The following ASTN2 variants were observed in gnomAD, a reference collection of about 807,000 sequenced individuals.
ASTN2 encodes the protein astrotactin 2.
A neutral mutation model predicts 139.8 loss-of-function variants in ASTN2; 54 were observed. The observed-to-expected ratio is 0.39, with a 90% CI of 0.31 to 0.48. The LOEUF is 0.48. Ranked by LOEUF, ASTN2 falls within the 20% of genes least tolerant of loss-of-function variation. The pLI is 0.95. For missense variants in ASTN2, 1,565 were observed against 1,725.1 expected, an observed-to-expected ratio of 0.91 and a Z score of 1.64; for synonymous variants, 756 against 719.5, an observed-to-expected ratio of 1.05 and a Z score of -0.81.
In ASTN2 at chr9:116,640,774, GT is replaced by G. The variant is rs956996827; in HGVS notation, c.3072+10753del. ...TTAATCACGAAAGTGATGTGAGCAA[GT>G]TTTAGTTTTGAAAATATCACTCTGG... On this transcript the variant is annotated intron_variant, in intron 17 of 22. Coordinates refer to ENST00000313400, the MANE Select transcript of ASTN2 (RefSeq NM_001365068.1). Among the ~76,000 whole-genome samples, 4 of 152,218 alleles carry G rather than the reference GT, an allele frequency of 2.6e-5. No individual in the cohort carries two copies. In the East Asian group the frequency reaches 7.7e-4, roughly 29 times the overall value.
chr9:116,549,077 T>C (rs576584352), intron 19 of ASTN2, among the ~76,000 whole-genome samples: 1 of 151,562 alleles, frequency 6.6e-6, no homozygotes, highest in South Asian at 2.1e-4. Context: ...GATGGGAAAA[T>C]TGGGGCCCCA....
In ASTN2 at chr9:116,840,410, T is replaced by G. The variant is rs571736717; in HGVS notation, c.2041-19627A>C. Among the ~76,000 whole-genome samples, 8 of 147,060 alleles carry G rather than the reference T, an allele frequency of 5.4e-5. No individual in the cohort carries two copies. In the East Asian group the frequency reaches 1.7e-3, roughly 30 times the overall value. ...TGTTGGGTACACCTCCCAGACGGGGTGGTGGCCAGGCAGAGGGGCTCCTCA... is the reference window on the plus strand; with the variant it reads ...TGTTGGGTACACCTCCCAGACGGGGGGGTGGCCAGGCAGAGGGGCTCCTCA... On this transcript the variant is annotated intron_variant, in intron 11 of 22. Transcript: ENST00000313400.
At chr9:116,670,383 C>G (rs761436613) in intron 16 of ASTN2, among the ~76,000 whole-genome samples, 16 of 152,070 alleles carry the variant, frequency 1.1e-4, no homozygotes, top group Admixed American at 3.3e-4. Context: ...TCAAGTATGA[C>G]TGAGTGGCTG....
chr9:116,505,246 GCTA>G (rs1478231865), intron 19 of ASTN2, among the ~76,000 whole-genome samples: 5 of 151,704 alleles, frequency 3.3e-5, no homozygotes, highest in Non-Finnish European at 2.9e-5. Flanking sequence ...TCGCTTTGAG[GCTA>G]CTGATGAATG....
intron 19 of ASTN2, among the ~76,000 whole-genome samples, chr9:116,554,145 T>C (rs1422496933): frequency 6.6e-6 from 1 of 152,210 alleles, no homozygotes; most frequent in African/African-American, 2.4e-5. Flanking sequence ...TTATGTATGA[T>C]GGAAAAATAT....
chr9:117,374,403 G>A (rs906075443), intron 1 of ASTN2, among the ~76,000 whole-genome samples: 2 of 134,680 alleles, frequency 1.5e-5, no homozygotes, highest in Non-Finnish European at 3.1e-5. Context: ...AGCACAGATC[G>A]CAGCCCGCAA....
chr9:116,764,612 C>T (rs73519442), intron 13 of ASTN2, among the ~76,000 whole-genome samples: 2 of 152,170 alleles, frequency 1.3e-5, no homozygotes, highest in Admixed American at 6.5e-5. Flanking sequence ...CTCCATTTAA[C>T]CTCTTTCTGT....
At chr9:116,600,676 G>C (rs1854847830) in intron 19 of ASTN2, among the ~76,000 whole-genome samples, 1 of 152,022 alleles carries the variant, frequency 6.6e-6, no homozygotes. Flanking sequence ...GAGCAGCCAG[G>C]GTGATAAAAC....
intron 19 of ASTN2, among the ~76,000 whole-genome samples, chr9:116,608,439 C>T (rs1855327584): frequency 6.6e-6 from 1 of 152,154 alleles, no homozygotes; most frequent in Non-Finnish European, 1.5e-5. Context: ...AGGGTCCTCC[C>T]TTAGTAGTAG....
intron 4 of ASTN2, among the ~76,000 whole-genome samples, chr9:117,111,878 ATTAT>A: frequency 6.6e-6 from 1 of 152,212 alleles, no homozygotes; most frequent in Non-Finnish European, 1.5e-5. Context: ...AGATGACATA[ATTAT>A]TTATAAAAGT....
chr9:116,889,045 C>A (rs528940038), intron 10 of ASTN2, among the ~76,000 whole-genome samples: 1 of 152,070 alleles, frequency 6.6e-6, no homozygotes, highest in East Asian at 1.9e-4. Context: ...TTTAAAACAC[C>A]CTTAATTTTT....
chr9:116,480,314 G>A (rs1849126635), intron 20 of ASTN2, among the ~76,000 whole-genome samples: 1 of 152,200 alleles, frequency 6.6e-6, no homozygotes, highest in Non-Finnish European at 1.5e-5. Flanking sequence ...CTGGACCACA[G>A]CCTGGCACAT....
chr9:116,647,427 CT>C (rs1307615292), intron 17 of ASTN2, among the ~76,000 whole-genome samples: 1 of 152,162 alleles, frequency 6.6e-6, no homozygotes, highest in Non-Finnish European at 1.5e-5. Context: ...CTTTCACACT[CT>C]TGGGATTCTC....
chr9:117,281,098 A>T (rs1430777579), intron 2 of ASTN2, among the ~76,000 whole-genome samples: 1 of 152,170 alleles, frequency 6.6e-6, no homozygotes, highest in Non-Finnish European at 1.5e-5. Context: ...AACATAGCTC[A>T]AAGGATGTTT....
chr9:116,718,194 T>C lies in ASTN2; in HGVS notation c.2806+7577A>G, dbSNP rs1828366754. ...AGAAAGTGACATTTGAGTTGGGTGA[T>C]ATGAAGTGATCTCAGCAAAAATGGG... On this transcript the variant is annotated intron_variant, in intron 16 of 22. Transcript: ENST00000313400. 5.9e-5 allele frequency among the ~76,000 whole-genome samples: 9 copies of C among 152,214 alleles called. No individual in the cohort carries two copies. In the South Asian group the frequency reaches 1.9e-3, roughly 32 times the overall value.
In ASTN2 at chr9:116,667,420, G is replaced by C. The variant is rs553508728; in HGVS notation, c.2807-15627C>G. On this transcript the variant is annotated intron_variant, in intron 16 of 22. Coordinates refer to ENST00000313400, the MANE Select transcript of ASTN2 (RefSeq NM_001365068.1). ...TTTACAGAAGGAATAATATAATGCT[G>C]TATCTGGGATTTGCTTTGAAAGACT... Among the ~76,000 whole-genome samples the C allele has an allele frequency of 6.6e-5, 10 of 152,240 alleles. No individual in the cohort carries two copies. In the South Asian group the frequency reaches 1.9e-3, roughly 28 times the overall value.
rs140653771 is a variant in ASTN2 at position 117,035,952 on chromosome 9, C to A, written c.1423+3867G>T. On this transcript the variant is annotated intron_variant, in intron 6 of 22. Transcript: ENST00000313400. Reference sequence around the variant, plus strand: ...CTATATTTTCTTGCCTTGCCATATTCCAGCTTCTGAAGTCTCTTTCTCTAC... The same window carrying A: ...CTATATTTTCTTGCCTTGCCATATTACAGCTTCTGAAGTCTCTTTCTCTAC... Among the ~76,000 whole-genome samples the A allele has an allele frequency of 1.7e-3, 263 of 152,268 alleles. 1 individual carries two copies. The highest frequency in any genetic ancestry group is 6.0e-3 in the African/African-American group (248 of 41,562).
chr9:117,225,925 C>T (rs569410189), intron 2 of ASTN2, among the ~76,000 whole-genome samples: 24 of 152,210 alleles, frequency 1.6e-4, no homozygotes, highest in Non-Finnish European at 2.5e-4. Context: ...AAACCTTCTG[C>T]CTCGATTTAG....
chr9:116,849,149 A>G (rs1262847238), intron 11 of ASTN2, among the ~76,000 whole-genome samples: 2 of 152,312 alleles, frequency 1.3e-5, no homozygotes, highest in South Asian at 2.1e-4. Flanking sequence ...GTCTGAGCAC[A>G]TCGTCCTCCA....
Sources: allele counts gnomAD v4.1 joint callset (sites outside exome capture counted in the v4.1 genomes callset), GRCh38; gene constraint gnomAD v4.1.1; transcripts MANE v1.5; gene names NCBI Gene and HGNC (gene_info 2026-07-23, HGNC 2026-07-21).